Variants in OCA2 observed in about 807,000 individuals in gnomAD.
The protein encoded by OCA2 is OCA2 melanosomal transmembrane protein.
A neutral mutation model predicts 100.2 loss-of-function variants in OCA2; 77 were observed. The observed-to-expected ratio is 0.77, with a 90% CI of 0.64 to 0.93. The LOEUF is 0.93. Among genes scored for constraint, OCA2 ranks in the 40% least tolerant of loss-of-function variants. The probability of loss-of-function intolerance (pLI) is 0.00; values close to 1 mark genes in which losing one functional copy is unlikely to be tolerated. For synonymous variants in OCA2, 432 were observed against 439.2 expected, an observed-to-expected ratio of 0.98 and a Z score of 0.21; for missense variants, 1,062 against 1,089.1, an observed-to-expected ratio of 0.98 and a Z score of 0.35.
At chr15:27,720,065 C>T in the OCA2 span, among the ~76,000 whole-genome samples, 1 of 152,160 alleles carries the variant, frequency 6.6e-6, no homozygotes, top group South Asian at 2.1e-4. Flanking sequence ...ACAAAAAGCA[C>T]AGTTAGGTAA....
At chr15:27,795,070 C>T (rs113283689) in intron 23 of OCA2, among the ~76,000 whole-genome samples, 1,617 of 152,246 alleles carry the variant, frequency 0.011, 32 homozygotes, top group African/African-American at 0.037. Context: ...GAGTGGCTTA[C>T]GTTCGTTCCA....
At chr15:27,971,112 G>A (rs565817049) in intron 14 of OCA2, among the ~76,000 whole-genome samples, 3 of 149,514 alleles carry the variant, frequency 2.0e-5, no homozygotes, top group African/African-American at 4.9e-5. Flanking sequence ...GTGAGAACAC[G>A]GAAAGAACCT....
At chr15:27,851,100 C>T (rs536213966) in intron 22 of OCA2, among the ~76,000 whole-genome samples, 27 of 152,290 alleles carry the variant, frequency 1.8e-4, no homozygotes, top group African/African-American at 4.6e-4. Context: ...AACCTAAGCA[C>T]GACCCACACA....
chr15:28,095,401 A>C (rs980995974), intron 1 of OCA2, among the ~76,000 whole-genome samples: 3 of 152,180 alleles, frequency 2.0e-5, no homozygotes, highest in Non-Finnish European at 4.4e-5. Flanking sequence ...CAGCGTGTGG[A>C]AAACAGCTTC....
chr15:27,836,025 C>A (rs16950444), intron 23 of OCA2, among the ~76,000 whole-genome samples: 4 of 152,192 alleles, frequency 2.6e-5, no homozygotes, highest in African/African-American at 7.2e-5. Context: ...TTACGGCTCT[C>A]GTGGCTCTCT....
At chr15:27,990,721 A>C in intron 9 of OCA2, 74 bp from the exon 10 acceptor site, 1 of 1,268,272 alleles carries the variant, frequency 7.9e-7, no homozygotes, top group South Asian at 1.2e-5. Context: ...CTGTGTGGAC[A>C]TGAGGGGGTC....
chr15:27,964,193 A>C (rs1387206837), intron 15 of OCA2, among the ~76,000 whole-genome samples: 1 of 152,264 alleles, frequency 6.6e-6, no homozygotes, highest in Non-Finnish European at 1.5e-5. Flanking sequence ...TTCTACAGAA[A>C]TTCTTCCAAA....
chr15:27,747,132 C>T, the OCA2 span, among the ~76,000 whole-genome samples: 1 of 152,162 alleles, frequency 6.6e-6, no homozygotes, highest in Non-Finnish European at 1.5e-5. Context: ...TCAGTGAGCA[C>T]CTCCAGCCCC....
intron 2 of OCA2, among the ~76,000 whole-genome samples, chr15:28,044,087 T>G (rs966307007): frequency 1.3e-5 from 2 of 152,214 alleles, no homozygotes; most frequent in Non-Finnish European, 2.9e-5. Context: ...TAGACAGCTC[T>G]CTGAAAGACC....
At chr15:27,956,974 G>C (rs1410173783) in intron 16 of OCA2, among the ~76,000 whole-genome samples, 5 of 152,186 alleles carry the variant, frequency 3.3e-5, no homozygotes, top group African/African-American at 1.2e-4. Context: ...CTCAGCTGTG[G>C]GGACGCTTCA....
chr15:28,020,139 C>A (rs562868924), intron 6 of OCA2, among the ~76,000 whole-genome samples: 1 of 152,264 alleles, frequency 6.6e-6, no homozygotes, highest in Admixed American at 6.5e-5. Context: ...ATCCCCACCC[C>A]CTGCCAAGAA....
intron 13 of OCA2, 141 bp from the exon 14 acceptor site, chr15:27,983,624 G>A: frequency 1.1e-6 from 1 of 892,390 alleles, no homozygotes; most frequent in African/African-American, 1.6e-5. Context: ...AGGCAGTGCT[G>A]GGGGGAATGA....
intron 23 of OCA2, among the ~76,000 whole-genome samples, chr15:27,800,310 A>G (rs910368596): frequency 6.6e-6 from 1 of 152,178 alleles, no homozygotes; most frequent in African/African-American, 2.4e-5. Flanking sequence ...AGGAGAAGAA[A>G]AAAAGTAAGT....
chr15:27,993,118 C>T (rs1196535808), intron 9 of OCA2, among the ~76,000 whole-genome samples: 2 of 152,006 alleles, frequency 1.3e-5, no homozygotes, highest in Non-Finnish European at 2.9e-5. Context: ...AGCGAGACCC[C>T]GTCTCAAACA....
chr15:27,851,206 G>A (rs1272465460), intron 22 of OCA2, among the ~76,000 whole-genome samples, 176 bp downstream of exon 22: 1 of 152,216 alleles, frequency 6.6e-6, no homozygotes, highest in Non-Finnish European at 1.5e-5. Flanking sequence ...CAGAGAATGG[G>A]AAGGAACGGA....
chr15:28,048,912 G>A (rs1339291514), intron 2 of OCA2, among the ~76,000 whole-genome samples: 1 of 152,128 alleles, frequency 6.6e-6, no homozygotes, highest in Non-Finnish European at 1.5e-5. Flanking sequence ...ACGCTGAGGA[G>A]GATGGCCTGA....
At chr15:28,010,925 G>T (rs1318627188) in intron 9 of OCA2, among the ~76,000 whole-genome samples, 1 of 152,216 alleles carries the variant, frequency 6.6e-6, no homozygotes, top group Admixed American at 6.5e-5. Flanking sequence ...ACTCTTCCCA[G>T]TGTCCAAACT....
chr15:27,770,781 CCT>C lies in OCA2; in HGVS notation c.2433-15311_2433-15310del, dbSNP rs2031690504. Among the ~76,000 whole-genome samples, 20 of 46,816 alleles carry C rather than the reference CCT, an allele frequency of 4.3e-4. No homozygotes were observed. In the East Asian group the frequency reaches 4.8e-3, roughly 11 times the overall value. The allele number at this position is 46,816 out of a possible 152,430, so 30.7% of individuals were successfully genotyped here. A position where few individuals can be genotyped will look rare whatever the true frequency, so the allele number is the denominator to read the frequency against. On this transcript the variant is annotated intron_variant, in intron 23 of 23. Transcript: ENST00000354638. ...TCCTCTCTCCCTCCCTCCCTTCCAT[CCT>C]TCCTTCCTCCCTCCCTCTTTTCCTT...
At chr15:27,984,827 T>G in intron 13 of OCA2, among the ~76,000 whole-genome samples, 1 of 152,198 alleles carries the variant, frequency 6.6e-6, no homozygotes, top group East Asian at 1.9e-4. Context: ...GCAAGGCCTA[T>G]GTCTTCCACC....
Sources: allele counts gnomAD v4.1 joint callset (sites outside exome capture counted in the v4.1 genomes callset), GRCh38; gene constraint gnomAD v4.1.1; transcripts MANE v1.5; gene names NCBI Gene and HGNC (gene_info 2026-07-23, HGNC 2026-07-21).